Variants in NKAIN2 observed in about 807,000 individuals in gnomAD.
The protein encoded by NKAIN2 is sodium/potassium transporting ATPase interacting 2, also known as sodium/potassium-transporting ATPase subunit beta-1-interacting protein 2.
A neutral mutation model predicts 32.6 loss-of-function variants in NKAIN2; 14 were observed. That is an observed-to-expected ratio of 0.43 (90% CI 0.28 to 0.67). The LOEUF is 0.67. NKAIN2 is among the 30% of genes least tolerant of loss of function. The pLI, the probability that NKAIN2 is intolerant of heterozygous loss-of-function variation, is 0.17. For missense variants in NKAIN2, 198 were observed against 258.3 expected, an observed-to-expected ratio of 0.77 and a Z score of 1.60; for synonymous variants, 80 against 87.2, an observed-to-expected ratio of 0.92 and a Z score of 0.46.
chr6:124,283,179 A>T, intron 2 of NKAIN2, 37 bp downstream of exon 2: 2 of 1,496,012 alleles, frequency 1.3e-6, no homozygotes, highest in Non-Finnish European at 1.9e-6. Context: ...ATCTTATTGA[A>T]CTAGAGAATG....
chr6:123,929,600 A>G (rs1430168787), intron 1 of NKAIN2, among the ~76,000 whole-genome samples: 1 of 152,158 alleles, frequency 6.6e-6, no homozygotes, highest in Non-Finnish European at 1.5e-5. Flanking sequence ...TGATAAATCT[A>G]TTATGAAGTA....
intron 2 of NKAIN2, among the ~76,000 whole-genome samples, chr6:124,309,271 G>T (rs1796625810): frequency 1.3e-5 from 2 of 152,070 alleles, no homozygotes; most frequent in South Asian, 4.1e-4. Context: ...TGGTGTAAAA[G>T]ACTCAAGCCT....
At chr6:123,932,100 A>G (rs1190098137) in intron 1 of NKAIN2, among the ~76,000 whole-genome samples, 1 of 152,178 alleles carries the variant, frequency 6.6e-6, no homozygotes, top group Non-Finnish European at 1.5e-5. Context: ...TTGCTGTCAT[A>G]GCTCTCTGCA....
chr6:124,763,142 A>C (rs1778350764), intron 4 of NKAIN2, among the ~76,000 whole-genome samples: 1 of 152,224 alleles, frequency 6.6e-6, no homozygotes, highest in South Asian at 2.1e-4. Context: ...GGGGGAAAGC[A>C]GGGTGATTGG....
At chr6:124,220,797 G>T (rs986172094) in intron 1 of NKAIN2, among the ~76,000 whole-genome samples, 1 of 151,956 alleles carries the variant, frequency 6.6e-6, no homozygotes, top group African/African-American at 2.4e-5. Flanking sequence ...ATTTAAAGAG[G>T]CCTAGAATAA....
rs187476771 is a variant in NKAIN2 at position 124,210,115 on chromosome 6, C to T, written c.55-72890C>T. On this transcript the variant is annotated intron_variant, in intron 1 of 6. Transcript: ENST00000368417. ...TTTAAGTCTTTCATCCATTTTGATT[C>T]GATTTTTATATATGGCAGGAGATAG... Among the ~76,000 whole-genome samples, 192 of 151,450 alleles carry T rather than the reference C, an allele frequency of 1.3e-3. 1 individual carries two copies. Among genetic ancestry groups the T allele is most frequent in the African/African-American group, 3.5e-3 (146 of 41,364 alleles).
chr6:124,349,694 T>G (rs1409150011), intron 2 of NKAIN2, among the ~76,000 whole-genome samples: 3 of 152,202 alleles, frequency 2.0e-5, no homozygotes, highest in Admixed American at 2.0e-4. Flanking sequence ...ACCTTTCTAA[T>G]TATTGTATAA....
chr6:124,301,066 G>C (rs2753163), intron 2 of NKAIN2, among the ~76,000 whole-genome samples: 61,368 of 152,004 alleles, frequency 0.4, 17,641 homozygotes, highest in African/African-American at 0.81. Context: ...CCATCACAGG[G>C]TCAGAGGCCT....
At chr6:124,539,779 GGCGT>G (rs1779843392) in intron 3 of NKAIN2, among the ~76,000 whole-genome samples, 1 of 152,028 alleles carries the variant, frequency 6.6e-6, no homozygotes, top group African/African-American at 2.4e-5. Flanking sequence ...GGAGTGCAGT[GGCGT>G]GATCTCGTCT....
intron 1 of NKAIN2, among the ~76,000 whole-genome samples, chr6:124,150,803 A>G (rs1401378188): frequency 6.6e-6 from 1 of 152,156 alleles, no homozygotes; most frequent in Non-Finnish European, 1.5e-5. Context: ...CAAACTTAGA[A>G]CAATTTTTCT....
At chr6:124,122,349 G>A (rs1186529623) in intron 1 of NKAIN2, among the ~76,000 whole-genome samples, 2 of 152,160 alleles carry the variant, frequency 1.3e-5, no homozygotes, top group East Asian at 3.9e-4. Flanking sequence ...GGGTAGATAA[G>A]CAAGCATATG....
intron 1 of NKAIN2, among the ~76,000 whole-genome samples, chr6:124,189,714 C>T (rs556002014): frequency 1.3e-5 from 2 of 152,176 alleles, no homozygotes; most frequent in South Asian, 2.1e-4. Context: ...AAGCAAAACA[C>T]TTGGTACAAA....
chr6:124,296,128 C>T (rs1796042028), intron 2 of NKAIN2, among the ~76,000 whole-genome samples: 1 of 152,042 alleles, frequency 6.6e-6, no homozygotes, highest in South Asian at 2.1e-4. Flanking sequence ...CATTCACCAC[C>T]TTGGATGCAA....
At chr6:124,802,353 C>G (rs763840925) in intron 5 of NKAIN2, among the ~76,000 whole-genome samples, 4 of 152,140 alleles carry the variant, frequency 2.6e-5, no homozygotes, top group African/African-American at 4.8e-5. Flanking sequence ...GTAATAACTG[C>G]TCCTTCCAAT....
At chr6:124,004,679 G>C (rs1019313556) in intron 1 of NKAIN2, among the ~76,000 whole-genome samples, 1 of 151,930 alleles carries the variant, frequency 6.6e-6, no homozygotes, top group Admixed American at 6.6e-5. Flanking sequence ...CTTGGACACA[G>C]GGTGGGGAAC....
chr6:124,229,682 C>A (rs1438369139), intron 1 of NKAIN2, among the ~76,000 whole-genome samples: 1 of 152,042 alleles, frequency 6.6e-6, no homozygotes, highest in Non-Finnish European at 1.5e-5. Flanking sequence ...CTTTGCCATG[C>A]TCTTCTCATG....
chr6:123,936,408 G>C (rs974092113), intron 1 of NKAIN2, among the ~76,000 whole-genome samples: 1 of 152,124 alleles, frequency 6.6e-6, no homozygotes, highest in Admixed American at 6.6e-5. Context: ...GGGACAAAAT[G>C]CATAATACAT....
chr6:124,441,536 C>T (rs1228336086), intron 3 of NKAIN2, among the ~76,000 whole-genome samples: 1 of 152,034 alleles, frequency 6.6e-6, no homozygotes, highest in Non-Finnish European at 1.5e-5. Flanking sequence ...TTAGAGTCCA[C>T]CACTATGCTC....
chr6:123,941,259 C>T (rs1313341913), intron 1 of NKAIN2, among the ~76,000 whole-genome samples: 1 of 151,478 alleles, frequency 6.6e-6, no homozygotes, highest in Non-Finnish European at 1.5e-5. Context: ...CTGCTTGATG[C>T]TGTTTTATAC....
Sources: allele counts gnomAD v4.1 joint callset (sites outside exome capture counted in the v4.1 genomes callset), GRCh38; gene constraint gnomAD v4.1.1; transcripts MANE v1.5; gene names NCBI Gene and HGNC (gene_info 2026-07-23, HGNC 2026-07-21).